Variants in PLEKHA7 observed in about 807,000 individuals in gnomAD.
PLEKHA7 encodes pleckstrin homology domain-containing family A member 7.
PLEKHA7 carries 104 observed loss-of-function variants against 170.0 expected under a neutral mutation model. The ratio of observed to expected loss-of-function variants is 0.61; its 90% CI spans 0.52 to 0.72. The LOEUF is 0.72. Among genes scored for constraint, PLEKHA7 ranks in the 30% least tolerant of loss-of-function variants. PLEKHA7 has a pLI of 0.00. For synonymous variants in PLEKHA7, 648 were observed against 660.8 expected (o/e 0.98, Z 0.30); for missense variants, 1,615 against 1,671.7 (o/e 0.97, Z 0.59).
chr11:16,888,257 G>T (rs1345686527), intron 3 of PLEKHA7, among the ~76,000 whole-genome samples: 1 of 151,318 alleles, frequency 6.6e-6, no homozygotes, highest in Non-Finnish European at 1.5e-5. Context: ...CCGTCCAGGA[G>T]GGAGGTGGGG....
intron 3 of PLEKHA7, among the ~76,000 whole-genome samples, chr11:16,900,898 T>G (rs191077836): frequency 1.7e-4 from 25 of 151,240 alleles, no homozygotes; most frequent in Non-Finnish European, 2.2e-4. Context: ...CAGGCTGGAG[T>G]GCAGTGGCGC....
At chr11:16,872,460 A>G (rs188686154) in intron 3 of PLEKHA7, among the ~76,000 whole-genome samples, 1 of 152,232 alleles carries the variant, frequency 6.6e-6, no homozygotes, top group African/African-American at 2.4e-5. Flanking sequence ...ACATAGAAAA[A>G]GTCCTATATT....
intron 3 of PLEKHA7, among the ~76,000 whole-genome samples, chr11:16,895,654 C>T (rs1029200023): frequency 3.3e-5 from 5 of 152,176 alleles, no homozygotes; most frequent in Non-Finnish European, 5.9e-5. Context: ...ACAGAGGGCA[C>T]CAAGGAACAA....
At chr11:16,971,161 C>G (rs919229830) in intron 3 of PLEKHA7, among the ~76,000 whole-genome samples, 3 of 152,136 alleles carry the variant, frequency 2.0e-5, no homozygotes, top group African/African-American at 7.2e-5. Context: ...TCAAAAGACC[C>G]AGATCTAAAA....
intron 3 of PLEKHA7, among the ~76,000 whole-genome samples, chr11:16,920,855 G>A (rs1329052466): frequency 2.0e-5 from 3 of 152,060 alleles, no homozygotes; most frequent in Non-Finnish European, 4.4e-5. Flanking sequence ...CCTCACCCGT[G>A]GTATCTCACT....
At chr11:16,862,234 CA>C (rs1413531355) in intron 4 of PLEKHA7, among the ~76,000 whole-genome samples, 24 of 152,328 alleles carry the variant, frequency 1.6e-4, no homozygotes, top group Admixed American at 1.5e-3. Context: ...GCCCAAACAG[CA>C]GCCTCTCACT....
intron 3 of PLEKHA7, among the ~76,000 whole-genome samples, chr11:16,953,506 T>C (rs1168310843): frequency 1.3e-5 from 2 of 152,184 alleles, no homozygotes; most frequent in Non-Finnish European, 2.9e-5. Flanking sequence ...AACCAAATGA[T>C]AAGGACCGGG....
At chr11:16,840,671 T>G (rs1049699923) in intron 9 of PLEKHA7, among the ~76,000 whole-genome samples, 2 of 152,170 alleles carry the variant, frequency 1.3e-5, no homozygotes, top group Non-Finnish European at 2.9e-5. Context: ...ATGCTCAGAC[T>G]GAAGTGCTAT....
chr11:16,879,743 G>A (rs1330401271), intron 3 of PLEKHA7, among the ~76,000 whole-genome samples: 1 of 152,220 alleles, frequency 6.6e-6, no homozygotes, highest in African/African-American at 2.4e-5. Context: ...TGCAAAGAGG[G>A]AAGTCCGTCT....
intron 3 of PLEKHA7, among the ~76,000 whole-genome samples, chr11:16,919,419 G>A (rs763393566): frequency 9.9e-5 from 15 of 152,138 alleles, no homozygotes; most frequent in Admixed American, 1.3e-4. Flanking sequence ...GCTGGTGCCT[G>A]TAATCCCAGC....
At chr11:16,868,757 A>G (rs761862104) in intron 4 of PLEKHA7, among the ~76,000 whole-genome samples, 1 of 152,196 alleles carries the variant, frequency 6.6e-6, no homozygotes, top group Non-Finnish European at 1.5e-5. Context: ...AGTAAGCCTT[A>G]AAAAGGAGGT....
chr11:16,798,131 A>G (rs138230346), intron 17 of PLEKHA7, among the ~76,000 whole-genome samples: 178 of 152,352 alleles, frequency 1.2e-3, no homozygotes, highest in African/African-American at 4.2e-3. Context: ...AAACCTGACT[A>G]CAGGGAGGCG....
intron 3 of PLEKHA7, among the ~76,000 whole-genome samples, chr11:16,883,180 A>T (rs1047726904): frequency 2.6e-5 from 4 of 152,164 alleles, no homozygotes; most frequent in Admixed American, 6.5e-5. Context: ...TGGGAGATAC[A>T]CTGGCTTTGG....
intron 3 of PLEKHA7, among the ~76,000 whole-genome samples, chr11:16,924,856 A>G (rs756788059): frequency 6.6e-6 from 1 of 152,324 alleles, no homozygotes; most frequent in Non-Finnish European, 1.5e-5. Context: ...CGGCGTTGCC[A>G]TAAAAGATGA....
At position 16,817,296 on chromosome 11, in the gene PLEKHA7, C is replaced by A; in HGVS notation, c.1370G>T (p.Arg457Leu). Reference protein sequence around the residue: ...RSLPLDQTLPRQGPGQSLSFP... With the variant: ...RSLPLDQTLPLQGPGQSLSFP... ...GGACAGGGATTGGCCAGGACCCTGG[C>A]GAGGAAGCGTCTGGTCCAAGGGAAG... The change falls in exon 11 of 27, where the codon CGC becomes CTC. Residue 457 changes from arginine to leucine, a missense_variant. By Grantham distance (102) the Arg-to-Leu change is moderately radical. Transcript: ENST00000531066. The surrounding 1 kb of genome is among the most constrained non-coding windows in gnomAD (Gnocchi z 4.4). The A allele has an allele frequency of 6.2e-7, 1 of 1,611,522 alleles. No homozygotes were observed. The highest frequency in any genetic ancestry group is 8.5e-7 in the Non-Finnish European group (1 of 1,179,774).
At chr11:16,904,663 A>T (rs898022441) in intron 3 of PLEKHA7, among the ~76,000 whole-genome samples, 1 of 152,252 alleles carries the variant, frequency 6.6e-6, no homozygotes, top group Non-Finnish European at 1.5e-5. Flanking sequence ...TTTAGAAAAT[A>T]AAAGCATACA....
intron 3 of PLEKHA7, among the ~76,000 whole-genome samples, chr11:16,986,843 A>G (rs1337956201): frequency 1.3e-5 from 2 of 152,218 alleles, no homozygotes; most frequent in Non-Finnish European, 2.9e-5. Context: ...AGCACCTACT[A>G]TATGATCTTC....
chr11:16,913,487 G>A (rs1285741203), intron 3 of PLEKHA7, among the ~76,000 whole-genome samples: 7 of 152,196 alleles, frequency 4.6e-5, no homozygotes, highest in Admixed American at 6.5e-5. Flanking sequence ...GGTAACATAA[G>A]GCTGGCAGCT....
At chr11:16,812,296 G>A (rs1849423173) in intron 13 of PLEKHA7, 1 of 152,246 alleles carries the variant, frequency 6.6e-6, no homozygotes, top group South Asian at 2.1e-4. Context: ...GAGGCTGGAT[G>A]AAGATCCCCA....
Sources: gnomAD v4.1 joint callset for allele counts (sites outside exome capture counted in the v4.1 genomes callset) on GRCh38, gnomAD v4.1.1 for gene constraint, Gnocchi (gnomAD v3.1) non-coding constraint, MANE v1.5 for transcripts, NCBI Gene and HGNC (gene_info 2026-07-23, HGNC 2026-07-21) for gene names.